Variants in FMN2 observed in about 807,000 individuals in gnomAD.
The protein encoded by FMN2 is formin-2.
In FMN2, 51 loss-of-function variants were observed where a neutral mutation model predicts 142.3. That is an observed-to-expected ratio of 0.36 (90% CI 0.29 to 0.45). The LOEUF is 0.45. Among genes scored for constraint, FMN2 ranks in the 20% least tolerant of loss-of-function variants. The probability of loss-of-function intolerance (pLI) is 1.00; values close to 1 mark genes in which losing one functional copy is unlikely to be tolerated. For missense variants in FMN2, 1,936 were observed against 2,122.8 expected (o/e 0.91, Z 1.73); for synonymous variants, 882 against 869.8 (o/e 1.01, Z -0.25).
chr1:240,236,758 A>C (rs928978700), intron 6 of FMN2, among the ~76,000 whole-genome samples: 1 of 152,336 alleles, frequency 6.6e-6, no homozygotes, highest in East Asian at 1.9e-4. Flanking sequence ...GCACAAAGCC[A>C]TTCATGAGCG....
chr1:240,413,031 G>A (rs1222880680), intron 15 of FMN2, among the ~76,000 whole-genome samples: 1 of 143,196 alleles, frequency 7.0e-6, no homozygotes, highest in African/African-American at 2.6e-5. Flanking sequence ...AATGAGGTAG[G>A]AGAATGGTGT....
chr1:240,150,770 C>T (rs1369859955), intron 2 of FMN2, among the ~76,000 whole-genome samples: 1 of 152,120 alleles, frequency 6.6e-6, no homozygotes, highest in Non-Finnish European at 1.5e-5. Flanking sequence ...TATAAAGAGA[C>T]TGGCCATAAT....
rs1666546707 is a variant in FMN2 at position 240,208,609 on chromosome 1, C to T, written c.3797C>T (p.Pro1266Leu). ...TPQVCGFLPP[P>L]LPSGLFGLGM... The stretch of plus-strand genomic sequence containing the variant: ...CAGGTGTGTGGATTTCTTCCTCCTC[C>T]ATTGCCAAGTGGCTTGTTTGGATTA... The change falls in exon 5 of 18, where the codon CCA (proline) becomes CTA (leucine). Residue 1266 changes from proline to leucine, a missense_variant. Around this residue, in one of 8 missense-constraint regions of FMN2, gnomAD observed 259 missense variants for 230.9 expected, o/e 1.12. Transcript: ENST00000319653. 1 of 1,613,790 alleles carries T rather than the reference C, an allele frequency of 6.2e-7. No homozygotes were observed. Among genetic ancestry groups the T allele is most frequent in the African/African-American group, 1.3e-5 (1 of 74,846 alleles).
At chr1:240,265,721 A>T (rs1184996966) in intron 7 of FMN2, among the ~76,000 whole-genome samples, 1 of 152,114 alleles carries the variant, frequency 6.6e-6, no homozygotes, top group East Asian at 1.9e-4. Flanking sequence ...AAATTACTTT[A>T]TATCTCTAGT....
chr1:240,286,052 C>A lies in FMN2; in HGVS notation c.4154-8770C>A, dbSNP rs1458322674. 2.0e-5 allele frequency among the ~76,000 whole-genome samples: 3 copies of A among 152,204 alleles called. No homozygotes were observed. The East Asian group carries it at 5.8e-4, about 29-fold the overall frequency. On this transcript the variant is annotated intron_variant, in intron 7 of 17. Transcript: ENST00000319653. ...CTCTTGGACTTTGAGTTCAGTGTAG[C>A]ATTTTCGGTGTGGGTTTTTTGTCGG...
intron 16 of FMN2, among the ~76,000 whole-genome samples, chr1:240,461,269 G>GC (rs1676442714): frequency 6.6e-6 from 1 of 152,108 alleles, no homozygotes; most frequent in Non-Finnish European, 1.5e-5. Context: ...AGGTAATTTG[G>GC]CCATTTTAAG....
chr1:240,346,998 T>C (rs1572216077), intron 13 of FMN2, among the ~76,000 whole-genome samples: 1 of 152,208 alleles, frequency 6.6e-6, no homozygotes, highest in Non-Finnish European at 1.5e-5. Flanking sequence ...AGATATTATG[T>C]ATAAGCAATT....
chr1:240,138,507 C>T (rs1663047429), intron 2 of FMN2, among the ~76,000 whole-genome samples: 1 of 151,890 alleles, frequency 6.6e-6, no homozygotes, highest in African/African-American at 2.4e-5. Context: ...CAAGACCAGC[C>T]TGGCCAAATT....
intron 2 of FMN2, among the ~76,000 whole-genome samples, chr1:240,133,525 A>G (rs532564013): frequency 6.6e-6 from 1 of 152,056 alleles, no homozygotes; most frequent in Admixed American, 6.6e-5. Flanking sequence ...TTGGATCTCC[A>G]TGGTCTTCCT....
chr1:240,122,014 C>T lies in FMN2; in HGVS notation c.1616-1165C>T, dbSNP rs527261751. 9.2e-5 allele frequency among the ~76,000 whole-genome samples: 14 copies of T among 151,840 alleles called. No individual in the cohort carries two copies. In the South Asian group the frequency reaches 2.7e-3, roughly 29 times the overall value. ...ATGATGCGTTACGAACTGCTTCCTT[C>T]GAGAACCATCTGCAATTAAATTCAA... is the stretch of plus-strand genomic sequence containing the variant. On this transcript the variant is annotated intron_variant, in intron 1 of 17. Coordinates refer to ENST00000319653, the MANE Select transcript of FMN2 (RefSeq NM_020066.5).
chr1:240,438,949 C>T (rs1311381019), intron 16 of FMN2, among the ~76,000 whole-genome samples: 1 of 152,116 alleles, frequency 6.6e-6, no homozygotes, highest in African/African-American at 2.4e-5. Flanking sequence ...ACATCACTAA[C>T]AGTAACTTTG....
In FMN2 at chr1:240,342,110, C is replaced by T. The variant is rs10926225; in HGVS notation, c.4765+7881C>T. The stretch of plus-strand genomic sequence containing the variant: ...ATAGTTCGATGACTTCTACTTCCGC[C>T]CTGTTTATTAACTTTGGCTTCTCTA... On this transcript the variant is annotated intron_variant, in intron 13 of 17. Coordinates refer to ENST00000319653, the MANE Select transcript of FMN2 (RefSeq NM_020066.5). Among the ~76,000 whole-genome samples the T allele has an allele frequency of 5.0e-3, 755 of 152,260 alleles. 8 individuals carry two copies. Among genetic ancestry groups the T allele is most frequent in the African/African-American group, 0.017 (710 of 41,546 alleles).
chr1:240,439,898 CT>C (rs1252850326), intron 16 of FMN2, among the ~76,000 whole-genome samples: 2 of 152,260 alleles, frequency 1.3e-5, no homozygotes, highest in Non-Finnish European at 2.9e-5. Flanking sequence ...TACATTCCTC[CT>C]TTTACCTCTA....
chr1:240,224,547 G>C (rs1292936432), intron 6 of FMN2, among the ~76,000 whole-genome samples: 1 of 152,124 alleles, frequency 6.6e-6, no homozygotes, highest in Non-Finnish European at 1.5e-5. Flanking sequence ...GAATATCCTT[G>C]TTAATTTTCT....
intron 4 of FMN2, among the ~76,000 whole-genome samples, chr1:240,196,480 T>C (rs181365134): frequency 6.6e-6 from 1 of 152,214 alleles, no homozygotes; most frequent in Admixed American, 6.5e-5. Flanking sequence ...ACTGTGGAGG[T>C]GGGGCCCAGC....
At chr1:240,388,227 C>CCAAAAA in intron 14 of FMN2, among the ~76,000 whole-genome samples, 1 of 6,052 alleles carries the variant, frequency 1.7e-4, no homozygotes, top group Non-Finnish European at 2.6e-4. Flanking sequence ...GTGCTCAAAG[C>CCAAAAA]AAAAAAAAAA....
At chr1:240,271,374 T>C (rs1355492776) in intron 7 of FMN2, among the ~76,000 whole-genome samples, 3 of 151,588 alleles carry the variant, frequency 2.0e-5, no homozygotes, top group Non-Finnish European at 2.9e-5. Flanking sequence ...TTAGGCTCAG[T>C]GTGAGCAATG....
intron 1 of FMN2, among the ~76,000 whole-genome samples, chr1:240,111,645 A>G (rs1661811099): frequency 1.3e-5 from 2 of 152,066 alleles, no homozygotes; most frequent in Admixed American, 1.3e-4. Flanking sequence ...AATCTGTCTT[A>G]TCAGCCTTAT....
rs139258349 is a variant in FMN2 at position 240,360,119 on chromosome 1, GT to G, written c.4858+4218del. ...AATTCATAAACCCACTGACAACTCA[GT>G]TTTTTTCCTCAACAATGTTACTAGA... On this transcript the variant is annotated intron_variant, in intron 14 of 17. Transcript: ENST00000319653. 2.0e-3 allele frequency among the ~76,000 whole-genome samples: 309 copies of G among 152,148 alleles called. 1 individual carries two copies. The highest frequency in any genetic ancestry group is 7.3e-3 in the African/African-American group (304 of 41,510).
Sources: gnomAD v4.1 joint callset for allele counts (sites outside exome capture counted in the v4.1 genomes callset) on GRCh38, gnomAD v4.1.1 for gene constraint, gnomAD v4.1.1 regional missense constraint, MANE v1.5 for transcripts, NCBI Gene and HGNC (gene_info 2026-07-23, HGNC 2026-07-21) for gene names.